Variants in ZNF678 observed in about 807,000 individuals in gnomAD.
ZNF678 encodes the protein hypothetical protein MGC42493.
ZNF678 carries 5 observed loss-of-function variants against 3.0 expected under a neutral mutation model. The ratio of observed to expected loss-of-function variants is 1.69; its 90% CI spans 0.88 to 3.56. The LOEUF is 3.56. ZNF678 is among the 30% of genes most tolerant of loss of function. ZNF678 has a pLI of 0.00. For synonymous variants in ZNF678, 218 were observed against 199.6 expected, an observed-to-expected ratio of 1.09 and a Z score of -0.78; for missense variants, 593 against 605.0, an observed-to-expected ratio of 0.98 and a Z score of 0.21.
At chr1:227,586,978 A>G (rs1558133411) in intron 1 of ZNF678, among the ~76,000 whole-genome samples, 1 of 152,216 alleles carries the variant, frequency 6.6e-6, no homozygotes, top group Non-Finnish European at 1.5e-5. Flanking sequence ...CCTAAATGGC[A>G]GGATGAGAAT....
At chr1:227,664,463 T>A (rs538619752), downstream of ZNF678, among the ~76,000 whole-genome samples, 28 of 152,184 alleles carry the variant, frequency 1.8e-4, no homozygotes, top group South Asian at 2.7e-3. Flanking sequence ...TTTAATAGGA[T>A]CACAGATGAG....
At chr1:227,582,039 C>T (rs189237140) in intron 1 of ZNF678, among the ~76,000 whole-genome samples, 5 of 152,018 alleles carry the variant, frequency 3.3e-5, no homozygotes, top group Non-Finnish European at 5.9e-5. Flanking sequence ...TGTTTAATGG[C>T]CATCTGAAGG....
intron 2 of ZNF678, 46 bp from the exon 3 acceptor site, chr1:227,650,910 T>C (rs1378003595): frequency 6.8e-7 from 1 of 1,477,894 alleles, no homozygotes; most frequent in African/African-American, 1.4e-5. Flanking sequence ...TTCTTTTCAA[T>C]TTTTATGGCT....
At chr1:227,582,063 G>A (rs1657142299) in intron 1 of ZNF678, among the ~76,000 whole-genome samples, 3 of 151,936 alleles carry the variant, frequency 2.0e-5, no homozygotes, top group African/African-American at 7.3e-5. Context: ...TTTTTCTTAA[G>A]TATCAGTTTA....
chr1:227,572,805 A>T (rs4653515), intron 1 of ZNF678, among the ~76,000 whole-genome samples: 79,390 of 152,100 alleles, frequency 0.52, 21,977 homozygotes, highest in Non-Finnish European at 0.62. Context: ...TGGAGTCTTC[A>T]TGTGAGAGTT....
chr1:227,633,806 C>T (rs1488471503), intron 1 of ZNF678, among the ~76,000 whole-genome samples: 1 of 152,210 alleles, frequency 6.6e-6, no homozygotes, highest in Non-Finnish European at 1.5e-5. Context: ...ACAAAGACTG[C>T]AACTCCTAGG....
chr1:227,665,083 T>G (rs1659479723), downstream of ZNF678, among the ~76,000 whole-genome samples: 1 of 152,138 alleles, frequency 6.6e-6, no homozygotes, highest in African/African-American at 2.4e-5. Context: ...CCTAGAAAAT[T>G]CTTCGGGTAC....
intron 1 of ZNF678, among the ~76,000 whole-genome samples, chr1:227,596,062 T>C (rs953255729): frequency 2.0e-5 from 3 of 152,010 alleles, no homozygotes; most frequent in Non-Finnish European, 4.4e-5. Flanking sequence ...AGCCACTGCA[T>C]TGATCCTCCA....
At chr1:227,594,340 T>A (rs1657505652) in intron 1 of ZNF678, among the ~76,000 whole-genome samples, 1 of 152,230 alleles carries the variant, frequency 6.6e-6, no homozygotes, top group African/African-American at 2.4e-5. Context: ...GACGTATTTA[T>A]CCAATTGTTA....
intron 1 of ZNF678, among the ~76,000 whole-genome samples, chr1:227,580,147 G>A (rs2102726340): frequency 6.6e-6 from 1 of 152,216 alleles, no homozygotes; most frequent in East Asian, 1.9e-4. Context: ...CCGGTGTACA[G>A]TAGCCCCATG....
intron 1 of ZNF678, among the ~76,000 whole-genome samples, chr1:227,607,316 C>G (rs1229478751): frequency 1.3e-5 from 2 of 152,170 alleles, no homozygotes; most frequent in African/African-American, 2.4e-5. Context: ...TTAATACCCT[C>G]TTTCTGAGGG....
chr1:227,591,677 A>G (rs1657416705), intron 1 of ZNF678, among the ~76,000 whole-genome samples: 1 of 152,172 alleles, frequency 6.6e-6, no homozygotes, highest in African/African-American at 2.4e-5. Flanking sequence ...GATGGGTCAT[A>G]ACACACATCA....
intron 1 of ZNF678, among the ~76,000 whole-genome samples, chr1:227,579,494 C>T (rs912453030): frequency 6.6e-6 from 1 of 152,048 alleles, no homozygotes; most frequent in African/African-American, 2.4e-5. Context: ...GGGGGGTCCA[C>T]CAGCACAGGT....
intron 1 of ZNF678, among the ~76,000 whole-genome samples, chr1:227,625,639 A>G (rs1477888695): frequency 6.6e-6 from 1 of 152,184 alleles, no homozygotes; most frequent in Non-Finnish European, 1.5e-5. Flanking sequence ...CCAAGGCTTC[A>G]TGGAGCCCAG....
At position 227,655,526 on chromosome 1, in the gene ZNF678, A is replaced by T. The variant is rs556585979; in HGVS notation, c.1276A>T (p.Ile426Phe). The change falls in exon 4 of 4, where the codon ATT becomes TTT. Residue 426 changes from isoleucine to phenylalanine, a missense_variant. Ile to Phe is a conservative substitution (Grantham distance 21). Transcript: ENST00000343776. ...QCSHLTSHKR[I>F]HTGEKPYKCK... ...CTCTCACCTAACTAGCCATAAGAGA[A>T]TTCATACTGGAGAGAAACCCTACAA... 2.5e-5 allele frequency: 41 copies of T among 1,612,764 alleles called. No homozygotes were observed. The African/African-American group carries it at 4.9e-4, about 19-fold the overall frequency.
chr1:227,622,086 G>A (rs1001953558), intron 1 of ZNF678, among the ~76,000 whole-genome samples: 3 of 152,206 alleles, frequency 2.0e-5, no homozygotes, highest in African/African-American at 7.2e-5. Context: ...TAGAGAATCT[G>A]TGTCCCTTAC....
intron 1 of ZNF678, among the ~76,000 whole-genome samples, chr1:227,628,869 T>C (rs1457944995): frequency 3.9e-5 from 6 of 152,218 alleles, no homozygotes; most frequent in Admixed American, 1.3e-4. Flanking sequence ...AGTTGAGATA[T>C]TGGGTTTGAA....
chr1:227,603,773 G>T (rs1657795542), intron 1 of ZNF678, among the ~76,000 whole-genome samples: 1 of 152,164 alleles, frequency 6.6e-6, no homozygotes, highest in Non-Finnish European at 1.5e-5. Flanking sequence ...GATGTATTCA[G>T]TGGACTTCAA....
At chr1:227,568,848 A>C (rs943039629) in intron 1 of ZNF678, among the ~76,000 whole-genome samples, 4 of 152,196 alleles carry the variant, frequency 2.6e-5, no homozygotes, top group African/African-American at 9.7e-5. Context: ...GTGGTGTTGG[A>C]GAACTGGTTG....
Sources: allele counts gnomAD v4.1 joint callset (sites outside exome capture counted in the v4.1 genomes callset), GRCh38; gene constraint gnomAD v4.1.1; transcripts MANE v1.5; gene names NCBI Gene and HGNC (gene_info 2026-07-23, HGNC 2026-07-21).